Variants in HS6ST2 observed in about 807,000 individuals in gnomAD.
HS6ST2 encodes heparan-sulfate 6-O-sulfotransferase 2.
A neutral mutation model predicts 33.0 loss-of-function variants in HS6ST2; 17 were observed. That is an observed-to-expected ratio of 0.52 (90% CI 0.35 to 0.77). The LOEUF is 0.77. Among genes scored for constraint, HS6ST2 ranks in the 30% least tolerant of loss-of-function variants. HS6ST2 has a pLI of 0.01. For synonymous variants in HS6ST2, 248 were observed against 237.1 expected (o/e 1.05, Z -0.42); for missense variants, 519 against 551.7 (o/e 0.94, Z 0.59).
intron 2 of HS6ST2, among the ~76,000 whole-genome samples, chrX:132,898,739 TC>T (rs1402588788): frequency 5.5e-5 from 6 of 109,482 alleles, no homozygotes; most frequent in Admixed American, 4.9e-4. Flanking sequence ...AAGACAGAAA[TC>T]AGGGAAGAGG....
intron 2 of HS6ST2, among the ~76,000 whole-genome samples, chrX:132,739,512 C>G (rs1448746280): frequency 9.1e-6 from 1 of 110,486 alleles, no homozygotes; most frequent in Non-Finnish European, 1.9e-5. Flanking sequence ...GTCAGGAGAT[C>G]GAGACCAGCC....
At chrX:132,959,554 GTCCCTCCTGGAGAC>G (rs112767716), upstream of HS6ST2, among the ~76,000 whole-genome samples, 9 of 112,366 alleles carry the variant, frequency 8.0e-5, no homozygotes, top group African/African-American at 2.6e-4. Context: ...GTGGGGGCAT[GTCCCTCCTGGAGAC>G]AGGCTCTCCC....
At chrX:132,904,293 G>A (rs759795271) in intron 2 of HS6ST2, among the ~76,000 whole-genome samples, 6 of 111,095 alleles carry the variant, frequency 5.4e-5, no homozygotes, top group East Asian at 5.7e-4. Context: ...ACTTAGCCTC[G>A]TGTGTTGTTT....
At chrX:132,748,643 C>A (rs1317680652) in intron 2 of HS6ST2, among the ~76,000 whole-genome samples, 4 of 111,692 alleles carry the variant, frequency 3.6e-5, no homozygotes, top group African/African-American at 1.3e-4. Context: ...CACTCTGTCA[C>A]CCAGGCTGGA....
chrX:132,957,798 C>T (rs1019515906), intron 1 of HS6ST2, among the ~76,000 whole-genome samples: 22 of 111,837 alleles, frequency 2.0e-4, no homozygotes, highest in African/African-American at 6.2e-4. Context: ...CTCTTTGGAG[C>T]GCACACCTCT....
intron 2 of HS6ST2, among the ~76,000 whole-genome samples, chrX:132,878,964 T>A (rs2066136805): frequency 9.0e-6 from 1 of 111,109 alleles, no homozygotes; most frequent in Non-Finnish European, 1.9e-5. Context: ...ATGAAGAATG[T>A]CATAAAAACA....
At chrX:132,786,544 G>A (rs1045070353) in intron 2 of HS6ST2, among the ~76,000 whole-genome samples, 7 of 110,913 alleles carry the variant, frequency 6.3e-5, no homozygotes, top group African/African-American at 2.3e-4. Flanking sequence ...TCCTCTCTGC[G>A]GTTTTGCCAT....
chrX:132,937,537 A>C (rs1356787757), intron 2 of HS6ST2, among the ~76,000 whole-genome samples: 1 of 111,812 alleles, frequency 8.9e-6, no homozygotes, highest in East Asian at 2.8e-4. Context: ...CCAGAAAAAA[A>C]ATCTGTGTAT....
intron 4 of HS6ST2, among the ~76,000 whole-genome samples, chrX:132,647,192 C>A (rs1433666752): frequency 9.0e-6 from 1 of 111,371 alleles, no homozygotes; most frequent in Non-Finnish European, 1.9e-5. Flanking sequence ...CCACATCCCA[C>A]CTCATGCTGT....
chrX:132,916,196 A>C (rs1444037848), intron 2 of HS6ST2, among the ~76,000 whole-genome samples: 1 of 111,677 alleles, frequency 9.0e-6, no homozygotes, highest in Non-Finnish European at 1.9e-5. Flanking sequence ...TTCTAGCCCC[A>C]GCCCTGCTGC....
intron 2 of HS6ST2, among the ~76,000 whole-genome samples, chrX:132,816,272 A>G (rs2065394004): frequency 8.9e-6 from 1 of 111,866 alleles, no homozygotes; most frequent in Non-Finnish European, 1.9e-5. Context: ...TGTTCTTCAC[A>G]CTGTTTGAAT....
intron 2 of HS6ST2, among the ~76,000 whole-genome samples, chrX:132,765,700 C>T (rs1226090128): frequency 9.0e-6 from 1 of 111,692 alleles, no homozygotes; most frequent in Non-Finnish European, 1.9e-5. Context: ...ATCCTCCCGC[C>T]TTGGCCTCCC....
chrX:132,709,399 G>A (rs1280426936), intron 2 of HS6ST2, among the ~76,000 whole-genome samples: 5 of 111,946 alleles, frequency 4.5e-5, no homozygotes, highest in African/African-American at 1.6e-4. Flanking sequence ...GCAGGCCTTA[G>A]AAGTGAGTTA....
chrX:132,786,534 T>A (rs781190386), intron 2 of HS6ST2, among the ~76,000 whole-genome samples: 2 of 111,863 alleles, frequency 1.8e-5, no homozygotes, highest in Non-Finnish European at 3.8e-5. Flanking sequence ...CTAATAGTTC[T>A]CCTCTCTGCG....
intron 2 of HS6ST2, among the ~76,000 whole-genome samples, chrX:132,897,272 G>A (rs1391369672): frequency 9.2e-6 from 1 of 109,181 alleles, no homozygotes; most frequent in Non-Finnish European, 1.9e-5. Flanking sequence ...GGGGCGGGGG[G>A]AGCGGGGGCA....
intron 2 of HS6ST2, among the ~76,000 whole-genome samples, chrX:132,778,572 T>TC (rs1329934977): frequency 9.2e-6 from 1 of 108,555 alleles, no homozygotes; most frequent in African/African-American, 3.4e-5. Context: ...GCTAATTTTT[T>TC]TTTTTGTATT....
At chrX:132,706,208 T>C (rs139704183) in intron 3 of HS6ST2, among the ~76,000 whole-genome samples, 2,125 of 111,800 alleles carry the variant, frequency 0.019, 42 homozygotes, top group East Asian at 0.14. Context: ...CTTTCTATGA[T>C]TCTTATATGC....
intron 2 of HS6ST2, among the ~76,000 whole-genome samples, chrX:132,951,004 C>T (rs1179497596): frequency 9.1e-6 from 1 of 110,479 alleles, no homozygotes; most frequent in Non-Finnish European, 1.9e-5. Flanking sequence ...CTAACCTGCC[C>T]CAGAGCCCCA....
At chrX:132,774,025 A>G (rs2064932675) in intron 2 of HS6ST2, among the ~76,000 whole-genome samples, 1 of 112,565 alleles carries the variant, frequency 8.9e-6, no homozygotes, top group South Asian at 3.7e-4. Flanking sequence ...TATGAAATGG[A>G]TGAACTGAAA....
Sources: allele counts gnomAD v4.1 joint callset (sites outside exome capture counted in the v4.1 genomes callset), GRCh38; gene constraint gnomAD v4.1.1; transcripts MANE v1.5; gene names NCBI Gene and HGNC (gene_info 2026-07-23, HGNC 2026-07-21).